Variants in ETV5 observed in about 807,000 individuals in gnomAD.
ETV5 encodes ETS variant transcription factor 5.
A neutral mutation model predicts 70.0 loss-of-function variants in ETV5; 10 were observed. That is an observed-to-expected ratio of 0.14 (90% CI 0.09 to 0.24). The LOEUF is 0.24. ETV5 is among the 10% of genes least tolerant of loss of function. ETV5 has a pLI of 1.00. For missense variants in ETV5, 453 were observed against 651.2 expected (o/e 0.70, Z 3.31); for synonymous variants, 216 against 242.2 (o/e 0.89, Z 1.01).
At chr3:186,104,211 T>C (rs75191606) in intron 5 of ETV5, among the ~76,000 whole-genome samples, 2 of 152,332 alleles carry the variant, frequency 1.3e-5, no homozygotes, top group Middle Eastern at 3.4e-3. Context: ...AGCAGCCCTG[T>C]GCTGCTCAAA....
At chr3:186,062,474 T>C (rs1209018633) in intron 9 of ETV5, among the ~76,000 whole-genome samples, 1 of 152,054 alleles carries the variant, frequency 6.6e-6, no homozygotes, top group Non-Finnish European at 1.5e-5. Flanking sequence ...TACAAAAAAT[T>C]AGCTGGGCGT....
At chr3:186,069,438 C>T (rs1713539137) in intron 7 of ETV5, among the ~76,000 whole-genome samples, 1 of 151,128 alleles carries the variant, frequency 6.6e-6, no homozygotes, top group Non-Finnish European at 1.5e-5. Flanking sequence ...ACGTTTAGAA[C>T]ATGGGCACCG....
intron 11 of ETV5, among the ~76,000 whole-genome samples, chr3:186,053,595 T>C (rs1713086289): frequency 6.6e-6 from 1 of 152,204 alleles, no homozygotes; most frequent in Non-Finnish European, 1.5e-5. Flanking sequence ...ATTACAATAA[T>C]AGCAATGATT....
intron 7 of ETV5, among the ~76,000 whole-genome samples, chr3:186,074,771 G>A (rs539683135): frequency 3.2e-4 from 49 of 151,222 alleles, no homozygotes; most frequent in Middle Eastern, 3.4e-3. Flanking sequence ...AAAATTAGCT[G>A]GGCGTGGTGG....
Position 186,054,682 on chromosome 3 carries a change from G to A in ETV5, c.1209+2393C>T, listed in dbSNP as rs111651564. On this transcript the variant is annotated intron_variant, in intron 11 of 12. Coordinates refer to ENST00000306376, the MANE Select transcript of ETV5 (RefSeq NM_004454.3). The surrounding 1 kb of genome is among the most constrained non-coding windows in gnomAD (Gnocchi z 4.4). ...CAGCCACACAGCTGCCTACAATTAC[G>A]TCCCAACAGCTTCCTCCTCCGCTTC... 1.2e-4 allele frequency among the ~76,000 whole-genome samples: 19 copies of A among 152,038 alleles called. No individual in the cohort carries two copies. Among genetic ancestry groups the A allele is most frequent in the East Asian group, 1.9e-4 (1 of 5,196 alleles).
chr3:186,063,825 A>C (rs1329511643), intron 9 of ETV5, among the ~76,000 whole-genome samples: 1 of 152,048 alleles, frequency 6.6e-6, no homozygotes. Context: ...GAATACCTTC[A>C]ATTTCCCTCC....
In ETV5 at chr3:186,046,990, A is replaced by C. The variant is rs1251877332; in HGVS notation, c.*1649T>G. Reference sequence around the variant, plus strand: ...CCTCTTCACAAATGTGCTGTTGGTCATAAGGGGGACAGTTTGAGACTATGG... The same window carrying C: ...CCTCTTCACAAATGTGCTGTTGGTCCTAAGGGGGACAGTTTGAGACTATGG... On this transcript the variant is annotated 3_prime_UTR_variant, in exon 13 of 13. Transcript: ENST00000306376. 4.4e-6 allele frequency: 1 copy of C among 229,258 alleles called. No individual in the cohort carries two copies. Among genetic ancestry groups the C allele is most frequent in the Non-Finnish European group, 8.7e-6 (1 of 115,354 alleles). The allele number at this position is 229,258 out of a possible 1,614,324, so 14.2% of individuals were successfully genotyped here.
At position 186,062,547 on chromosome 3, in the gene ETV5, G is replaced by A. The variant is rs1345930608; in HGVS notation, c.970+1870C>T. On this transcript the variant is annotated intron_variant, in intron 9 of 12. Coordinates refer to ENST00000306376, the MANE Select transcript of ETV5 (RefSeq NM_004454.3). ...TGAGGCAGGAGAATCACTTGAACCCGGGAGGCAGACGTTGCAATGAGCTGA... is the reference window on the plus strand; with the variant it reads ...TGAGGCAGGAGAATCACTTGAACCCAGGAGGCAGACGTTGCAATGAGCTGA... Among the ~76,000 whole-genome samples the A allele has an allele frequency of 6.6e-5, 10 of 152,180 alleles. No individual in the cohort carries two copies. In the South Asian group the frequency reaches 1.0e-3, roughly 16 times the overall value.
intron 7 of ETV5, chr3:186,079,323 A>G (rs1461096849): frequency 4.4e-6 from 1 of 229,800 alleles, no homozygotes; most frequent in Admixed American, 5.7e-5. Flanking sequence ...TCTATTTCAA[A>G]AGCAGATGTA....
Position 186,048,062 on chromosome 3 carries a change from G to C in ETV5, c.*577C>G. 4.3e-6 allele frequency: 1 copy of C among 233,518 alleles called. No individual in the cohort carries two copies. Among genetic ancestry groups the C allele is most frequent in the Non-Finnish European group, 8.5e-6 (1 of 118,098 alleles). 14.5% of individuals were successfully genotyped at this position (233,518 alleles called of 1,614,324 possible). On this transcript the variant is annotated 3_prime_UTR_variant, in exon 13 of 13. Transcript: ENST00000306376. ...CATGGTTTATGATTTTGAGAACCAC[G>C]GAGTGGGGAACAGCTGTTCTGACTG...
intron 5 of ETV5, chr3:186,084,121 C>G: frequency 2.4e-6 from 1 of 409,432 alleles, no homozygotes; most frequent in Non-Finnish European, 4.8e-6. Context: ...GCAGATGGTG[C>G]TATGATGTTG....
At chr3:186,087,368 A>G (rs1481477026) in intron 5 of ETV5, among the ~76,000 whole-genome samples, 2 of 152,244 alleles carry the variant, frequency 1.3e-5, no homozygotes, top group Non-Finnish European at 2.9e-5. Context: ...AAGGGGGCAC[A>G]GGAGTCTTCT....
At position 186,081,792 on chromosome 3, in the gene ETV5, C is replaced by T. The variant is rs557209515; in HGVS notation, c.233-617G>A. Among the ~76,000 whole-genome samples, 11 of 152,328 alleles carry T rather than the reference C, an allele frequency of 7.2e-5. No homozygotes were observed. In the South Asian group the frequency reaches 1.9e-3, roughly 26 times the overall value. On this transcript the variant is annotated intron_variant, in intron 5 of 12. Transcript: ENST00000306376. ...AGACCAATCCACCACCTAGGAAAGG[C>T]TAATGAATACAGAAAGCAGAAAGCC...
intron 12 of ETV5, among the ~76,000 whole-genome samples, chr3:186,049,530 C>T (rs1358202579): frequency 1.3e-5 from 2 of 152,164 alleles, no homozygotes; most frequent in Non-Finnish European, 2.9e-5. Flanking sequence ...CTTCTCTCTG[C>T]TGGTTGTTCA....
At chr3:186,078,329 C>T (rs1210937255) in intron 7 of ETV5, 1 of 370,850 alleles carries the variant, frequency 2.7e-6, no homozygotes, top group African/African-American at 2.1e-5. Context: ...AATATATACT[C>T]GACCCCACAC....
At chr3:186,060,579 G>A (rs1281761677) in intron 9 of ETV5, among the ~76,000 whole-genome samples, 4 of 152,194 alleles carry the variant, frequency 2.6e-5, no homozygotes, top group African/African-American at 9.7e-5. Flanking sequence ...AATCACAGAT[G>A]CCAATCAGAA....
chr3:186,084,703 A>C (rs1449255865), intron 5 of ETV5, among the ~76,000 whole-genome samples: 1 of 152,182 alleles, frequency 6.6e-6, no homozygotes, highest in Admixed American at 6.5e-5. Context: ...CAATGGAACT[A>C]AAGGGCTTAG....
intron 7 of ETV5, among the ~76,000 whole-genome samples, chr3:186,070,461 A>G (rs968261231): frequency 1.3e-5 from 2 of 152,232 alleles, no homozygotes; most frequent in East Asian, 3.8e-4. Flanking sequence ...TCCCCGCGGC[A>G]TAACTTTAAG....
At chr3:186,100,318 G>A (rs1187232480) in intron 5 of ETV5, among the ~76,000 whole-genome samples, 3 of 152,060 alleles carry the variant, frequency 2.0e-5, no homozygotes, top group Non-Finnish European at 4.4e-5. Flanking sequence ...AGTGCCCACT[G>A]TTTTCTTTCT....
Sources: gnomAD v4.1 joint callset for allele counts (sites outside exome capture counted in the v4.1 genomes callset) on GRCh38, gnomAD v4.1.1 for gene constraint, Gnocchi (gnomAD v3.1) non-coding constraint, MANE v1.5 for transcripts, NCBI Gene and HGNC (gene_info 2026-07-23, HGNC 2026-07-21) for gene names.